Variants in ANKRD24 observed in about 807,000 individuals in gnomAD.
ANKRD24 encodes the protein ankyrin repeat domain-containing protein 24.
ANKRD24 carries 109 observed loss-of-function variants against 127.8 expected under a neutral mutation model. That is an observed-to-expected ratio of 0.85 (90% CI 0.73 to 1.00). The LOEUF is 1.00. Ranked by LOEUF, ANKRD24 falls within the 50% of genes least tolerant of loss-of-function variation. The pLI is 0.00. For missense variants in ANKRD24, 1,648 were observed against 1,570.2 expected (o/e 1.05, Z -0.84); for synonymous variants, 743 against 671.1 (o/e 1.11, Z -1.66).
At chr19:4,216,210 C>T in intron 16 of ANKRD24, 74 bp from the exon 17 acceptor site, 1 of 1,455,468 alleles carries the variant, frequency 6.9e-7, no homozygotes, top group Non-Finnish European at 9.4e-7. Context: ...AACCCTGATC[C>T]ACCACTCCAG....
At chr19:4,196,369 GT>G (rs1268060251) in intron 2 of ANKRD24, among the ~76,000 whole-genome samples, 1 of 150,122 alleles carries the variant, frequency 6.7e-6, no homozygotes, top group Non-Finnish European at 1.5e-5. Context: ...TAGTTTGTTT[GT>G]TTTTGTTGTT....
At position 4,210,271 on chromosome 19, in the gene ANKRD24, C is replaced by G. The variant is rs779286012; in HGVS notation, c.958C>G (p.Arg320Gly). The change falls in exon 13 of 22, where the codon CGA (arginine) becomes GGA (glycine). Residue 320 changes from arginine (R) to glycine (G), a missense_variant. By Grantham distance (125) the Arg-to-Gly change is moderately radical. Transcript: ENST00000318934. ...GTGGTGGGGAGGGGAACAGGATGAT[C>G]GAGATGCCTATGAGGAGATCGTGAG... ...PPASIPMPDD[R>G]DAYEEIVRLR... is the part of the protein sequence containing the mutation. The G allele has an allele frequency of 1.3e-6, 2 of 1,583,800 alleles. No individual in the cohort carries two copies. The highest frequency in any genetic ancestry group is 2.3e-5 in the East Asian group (1 of 43,570).
chr19:4,207,645 G>A, intron 9 of ANKRD24, 38 bp downstream of exon 9: 1 of 1,607,616 alleles, frequency 6.2e-7, no homozygotes, highest in Non-Finnish European at 8.5e-7. Context: ...ACCCTATGCT[G>A]TGTGACCTTC....
intron 2 of ANKRD24, chr19:4,197,998 T>G: frequency 2.5e-6 from 1 of 403,322 alleles, no homozygotes; most frequent in South Asian, 9.7e-5. Flanking sequence ...AATGAATGAG[T>G]GAATGAATGA....
chr19:4,204,650 C>G (rs1321761398), intron 7 of ANKRD24, among the ~76,000 whole-genome samples: 1 of 152,190 alleles, frequency 6.6e-6, no homozygotes, highest in African/African-American at 2.4e-5. Context: ...TGTCCGCTGT[C>G]CCCGTGAAAT....
chr19:4,210,591 C>T (rs1321140180), intron 13 of ANKRD24, among the ~76,000 whole-genome samples: 2 of 108,506 alleles, frequency 1.8e-5, no homozygotes, highest in Admixed American at 1.1e-4. Context: ...AATGCTCTAG[C>T]GCAGTCCTGC....
chr19:4,196,806 C>T (rs978035814), intron 2 of ANKRD24, among the ~76,000 whole-genome samples: 1 of 152,164 alleles, frequency 6.6e-6, no homozygotes, highest in Non-Finnish European at 1.5e-5. Context: ...GAGCATCTCC[C>T]CCAAGTGTTC....
chr19:4,193,871 G>A (rs1235709944), intron 2 of ANKRD24, among the ~76,000 whole-genome samples: 1 of 143,642 alleles, frequency 7.0e-6, no homozygotes, highest in Non-Finnish European at 1.5e-5. Context: ...AAGGAAGGAA[G>A]GAAGGAAGGA....
chr19:4,202,862 TC>T lies in ANKRD24; in HGVS notation c.409-3del. 1.3e-6 allele frequency: 2 copies of T among 1,586,314 alleles called. No individual in the cohort carries two copies. Among genetic ancestry groups the T allele is most frequent in the Non-Finnish European group, 1.7e-6 (2 of 1,166,514 alleles). Reference sequence around the variant, plus strand: ...GCTCCGCCTCAAAGGACTCGCCCCATCCCCAGGCTTCCTGCGTGGTGGACGT... The same window carrying T: ...GCTCCGCCTCAAAGGACTCGCCCCATCCCAGGCTTCCTGCGTGGTGGACGT... On this transcript the variant is annotated splice_polypyrimidine_tract_variant and splice_region_variant and intron_variant, in intron 6 of 21. Transcript: ENST00000318934.
chr19:4,202,747 C>A, intron 6 of ANKRD24, 122 bp from the exon 7 acceptor site: 1 of 1,008,456 alleles, frequency 9.9e-7, no homozygotes, highest in Non-Finnish European at 1.5e-6. Flanking sequence ...AAATGGAGTC[C>A]CTTGGGGGCC....
intron 10 of ANKRD24, 36 bp downstream of exon 10, chr19:4,208,004 T>G: frequency 7.0e-7 from 1 of 1,437,828 alleles, no homozygotes; most frequent in East Asian, 2.6e-5. Context: ...CATTTGCTTC[T>G]TGGCAGCTTC....
At chr19:4,186,836 G>A (rs566874836) in intron 2 of ANKRD24, among the ~76,000 whole-genome samples, 1 of 152,280 alleles carries the variant, frequency 6.6e-6, no homozygotes, top group Admixed American at 6.5e-5. Flanking sequence ...TGGTGTGTGT[G>A]TACTCAGCAC....
chr19:4,186,175 G>C, intron 1 of ANKRD24: 1 of 1,133,058 alleles, frequency 8.8e-7, no homozygotes, highest in Admixed American at 3.3e-5. Flanking sequence ...GATCATTTCT[G>C]TCACTGTATA....
rs1451864853 is a variant in ANKRD24 at position 4,195,652 on chromosome 19, C to T, written c.37-4031C>T. ...GTGGCTCACGCCTGTAATCCCAACA[C>T]TTTGAGAGGCCAAGGCAGGTGGATC... On this transcript the variant is annotated intron_variant, in intron 2 of 21. Coordinates refer to ENST00000318934, the MANE Select transcript of ANKRD24 (RefSeq NM_001393985.1). This position sits in a 1 kb window ranked among gnomAD's most constrained non-coding sequence, Gnocchi z 4.2. Among the ~76,000 whole-genome samples the T allele has an allele frequency of 5.3e-5, 8 of 152,178 alleles. No homozygotes were observed. Among genetic ancestry groups the T allele is most frequent in the Admixed American group, 5.2e-4 (8 of 15,270 alleles).
intron 2 of ANKRD24, among the ~76,000 whole-genome samples, chr19:4,188,810 G>A (rs1041180485): frequency 1.3e-5 from 2 of 151,902 alleles, no homozygotes; most frequent in Non-Finnish European, 2.9e-5. Context: ...GATTTGATTT[G>A]ATTTCATTTA....
In ANKRD24 at chr19:4,217,776, G is replaced by A. The variant is rs1315517658; in HGVS notation, c.2616G>A (p.Ala872=). The A allele has an allele frequency of 1.5e-6, 2 of 1,307,140 alleles. No individual in the cohort carries two copies. Among genetic ancestry groups the A allele is most frequent in the Non-Finnish European group, 1.9e-6 (2 of 1,031,614 alleles). 81.0% of individuals were successfully genotyped at this position (1,307,140 alleles called of 1,614,324 possible). ...ATGEQQRTAA[A]ELGRARDAAE... is the part of the protein sequence containing the mutation. Reference sequence around the variant, plus strand: ...GGGAGCAGCAGCGCACGGCGGCCGCGGAACTGGGCCGGGCACGGGACGCCG... The same window carrying A: ...GGGAGCAGCAGCGCACGGCGGCCGCAGAACTGGGCCGGGCACGGGACGCCG... The change falls in exon 18 of 22, where the codon GCG becomes GCA. Residue 872 remains alanine, a synonymous_variant. Coordinates refer to ENST00000318934, the MANE Select transcript of ANKRD24 (RefSeq NM_001393985.1).
chr19:4,204,779 G>C (rs1265972289), intron 7 of ANKRD24, among the ~76,000 whole-genome samples: 8 of 152,216 alleles, frequency 5.3e-5, no homozygotes, highest in Non-Finnish European at 1.0e-4. Flanking sequence ...GGAGTATGCT[G>C]CCACCTAGTG....
intron 19 of ANKRD24, 141 bp downstream of exon 19, chr19:4,219,899 G>A: frequency 1.9e-6 from 2 of 1,027,960 alleles, no homozygotes; most frequent in Non-Finnish European, 1.4e-6. Flanking sequence ...AGAAACGGAA[G>A]GGGACCTGGT....
chr19:4,197,539 G>T (rs1435397962), intron 2 of ANKRD24, among the ~76,000 whole-genome samples: 1 of 151,134 alleles, frequency 6.6e-6, no homozygotes, highest in Non-Finnish European at 1.5e-5. Flanking sequence ...AATGGTGTGG[G>T]AATGAATAAG....
Sources: gnomAD v4.1 joint callset for allele counts (sites outside exome capture counted in the v4.1 genomes callset) on GRCh38, gnomAD v4.1.1 for gene constraint, Gnocchi (gnomAD v3.1) non-coding constraint, MANE v1.5 for transcripts, NCBI Gene and HGNC (gene_info 2026-07-23, HGNC 2026-07-21) for gene names.